The following RCSD1 variants were observed in gnomAD, a reference collection of about 807,000 sequenced individuals.
The protein encoded by RCSD1 is capZ-interacting protein.
Under a neutral mutation model 42.5 loss-of-function variants are expected in RCSD1, and 26 were observed. The observed-to-expected ratio is 0.61, with a 90% CI of 0.45 to 0.85. RCSD1 has a LOEUF of 0.85. RCSD1 is among the 40% of genes least tolerant of loss of function. The pLI, the probability that RCSD1 is intolerant of heterozygous loss-of-function variation, is 0.00. For missense variants in RCSD1, 571 were observed against 528.3 expected, an observed-to-expected ratio of 1.08 and a Z score of -0.79; for synonymous variants, 220 against 212.2, an observed-to-expected ratio of 1.04 and a Z score of -0.32.
At chr1:167,691,197 C>T (rs2101715590) in intron 4 of RCSD1, among the ~76,000 whole-genome samples, 1 of 152,174 alleles carries the variant, frequency 6.6e-6, no homozygotes, top group East Asian at 1.9e-4. Context: ...TAGCACTCTC[C>T]AACAAGTTGT....
At chr1:167,699,020 G>C (rs1375438410) in intron 6 of RCSD1, among the ~76,000 whole-genome samples, 1 of 151,944 alleles carries the variant, frequency 6.6e-6, no homozygotes, top group Non-Finnish European at 1.5e-5. Flanking sequence ...GGATGATCTC[G>C]ATCTCCTGAC....
rs1234676704 is a variant in RCSD1, at chr1:167,707,073, C to T, written c.*2377C>T. On this transcript the variant is annotated 3_prime_UTR_variant, in exon 7 of 7. Transcript: ENST00000367854. Reference sequence around the variant, plus strand: ...GCTTGAATTTCAAACTGTGTCCTTCCTTACTCCAGAGAGGGAGCAAGAAAA... The same window carrying T: ...GCTTGAATTTCAAACTGTGTCCTTCTTTACTCCAGAGAGGGAGCAAGAAAA... Among the ~76,000 whole-genome samples the T allele has an allele frequency of 6.6e-6, 1 of 152,140 alleles. No homozygotes were observed. Among genetic ancestry groups the T allele is most frequent in the African/African-American group, 2.4e-5 (1 of 41,424 alleles).
chr1:167,665,069 T>C lies in RCSD1; in HGVS notation c.7-18831T>C, dbSNP rs539929542. On this transcript the variant is annotated intron_variant, in intron 1 of 6. Transcript: ENST00000367854. ...AAAAAAAAAAAAAAGAAGAAGAAGA[T>C]ATAGAGCATTTCTATCACCCCAAAA... 73 of 150,046 alleles carry C rather than the reference T, an allele frequency of 4.9e-4. No individual in the cohort carries two copies. In the East Asian group the frequency reaches 6.0e-3, roughly 12 times the overall value. 9.3% of individuals were successfully genotyped at this position (150,046 alleles called of 1,614,324 possible).
chr1:167,701,319 T>TCTTTCTTTCTTTC (rs1553252220), intron 6 of RCSD1, among the ~76,000 whole-genome samples: 83 of 136,832 alleles, frequency 6.1e-4, no homozygotes, highest in South Asian at 1.7e-3. Flanking sequence ...TTTCTTTCTT[T>TCTTTCTTTCTTTC]TTTTTAGATG....
chr1:167,692,687 G>A (rs1171774162), intron 4 of RCSD1, among the ~76,000 whole-genome samples: 3 of 151,996 alleles, frequency 2.0e-5, no homozygotes, highest in Non-Finnish European at 2.9e-5. Context: ...GACATGGTTT[G>A]GGCTAGTATG....
chr1:167,653,679 C>T (rs1163475776), intron 1 of RCSD1, among the ~76,000 whole-genome samples: 1 of 152,202 alleles, frequency 6.6e-6, no homozygotes, highest in African/African-American at 2.4e-5. Context: ...GAGAGACAGA[C>T]AGTTCAATGT....
intron 6 of RCSD1, among the ~76,000 whole-genome samples, chr1:167,698,861 G>A (rs1659568052): frequency 6.6e-6 from 1 of 150,828 alleles, no homozygotes; most frequent in Non-Finnish European, 1.5e-5. Context: ...GTGCAGTGGC[G>A]GGATCTCGGC....
At position 167,674,034 on chromosome 1, in the gene RCSD1, C is replaced by G. The variant is rs138606770; in HGVS notation, c.7-9866C>G. 5.7e-3 allele frequency among the ~76,000 whole-genome samples: 873 copies of G among 152,340 alleles called. 3 individuals are homozygous for G. The highest frequency in any genetic ancestry group is 0.02 in the African/African-American group (825 of 41,568). Reference sequence around the variant, plus strand: ...TCTGATAGTTTTATTACAAGTCTGCCTTTCAACTAGAGTAGAAGCTCATTG... The same window carrying G: ...TCTGATAGTTTTATTACAAGTCTGCGTTTCAACTAGAGTAGAAGCTCATTG... On this transcript the variant is annotated intron_variant, in intron 1 of 6. Coordinates refer to ENST00000367854, the MANE Select transcript of RCSD1 (RefSeq NM_052862.4).
chr1:167,692,856 T>C (rs1659408156), intron 4 of RCSD1, among the ~76,000 whole-genome samples: 1 of 152,148 alleles, frequency 6.6e-6, no homozygotes, highest in Non-Finnish European at 1.5e-5. Flanking sequence ...ATAGGAGTTC[T>C]CCAGGACAGC....
chr1:167,640,982 A>AC (rs887772739), intron 1 of RCSD1, among the ~76,000 whole-genome samples: 4 of 151,988 alleles, frequency 2.6e-5, no homozygotes, highest in African/African-American at 9.7e-5. Context: ...TATTATAACC[A>AC]CCCCCCGAGC....
At chr1:167,699,143 G>T (rs780931113) in intron 6 of RCSD1, among the ~76,000 whole-genome samples, 1 of 151,866 alleles carries the variant, frequency 6.6e-6, no homozygotes, top group Non-Finnish European at 1.5e-5. Flanking sequence ...TTCCCCCTGC[G>T]TATATAATCC....
At chr1:167,682,587 A>G (rs1659108067) in intron 1 of RCSD1, among the ~76,000 whole-genome samples, 2 of 152,262 alleles carry the variant, frequency 1.3e-5, no homozygotes, top group East Asian at 1.9e-4. Context: ...TAGAATGACT[A>G]AAGTTATTTA....
chr1:167,665,322 T>C (rs1271519806), intron 1 of RCSD1, among the ~76,000 whole-genome samples: 2 of 151,528 alleles, frequency 1.3e-5, no homozygotes, highest in African/African-American at 4.8e-5. Flanking sequence ...CTGAATAGTA[T>C]TCCATAATGT....
intron 1 of RCSD1, among the ~76,000 whole-genome samples, chr1:167,668,967 G>A (rs1005244757): frequency 9.9e-5 from 15 of 152,174 alleles, no homozygotes; most frequent in Non-Finnish European, 2.1e-4. Flanking sequence ...ACAGATTTGT[G>A]AATTCAGTAA....
chr1:167,631,571 G>T (rs12756881), intron 1 of RCSD1, among the ~76,000 whole-genome samples: 1,971 of 152,252 alleles, frequency 0.013, 25 homozygotes, highest in Admixed American at 0.045. Context: ...TGCAACCTCT[G>T]CCTCCCAGGC....
intron 1 of RCSD1, among the ~76,000 whole-genome samples, chr1:167,665,347 TTGTC>T (rs3979128): frequency 0.15 from 22,979 of 152,116 alleles, 2,350 homozygotes; most frequent in Non-Finnish European, 0.2. Context: ...ATAACACAAT[TTGTC>T]TGTCTACTTA....
chr1:167,662,382 G>T (rs548431307), intron 1 of RCSD1, among the ~76,000 whole-genome samples: 45 of 152,208 alleles, frequency 3.0e-4, no homozygotes, highest in African/African-American at 1.1e-3. Flanking sequence ...GTATATGCAG[G>T]CTGTCTTGAT....
intron 1 of RCSD1, among the ~76,000 whole-genome samples, chr1:167,673,247 C>T (rs1245341121): frequency 1.3e-5 from 2 of 152,220 alleles, no homozygotes; most frequent in Non-Finnish European, 2.9e-5. Context: ...ACAGCACTGC[C>T]TTAAAAGAGT....
chr1:167,648,077 A>T lies in RCSD1; in HGVS notation c.6+17648A>T, dbSNP rs1374183142. The stretch of plus-strand genomic sequence containing the variant: ...AATGCATAATTCTTACATAATTTTA[A>T]TCAGTGTATATACAACTCTGTACTC... On this transcript the variant is annotated intron_variant, in intron 1 of 6. Coordinates refer to ENST00000367854, the MANE Select transcript of RCSD1 (RefSeq NM_052862.4). Among the ~76,000 whole-genome samples the T allele has an allele frequency of 2.0e-5, 3 of 152,302 alleles. No homozygotes were observed. The East Asian group carries it at 5.8e-4, about 29-fold the overall frequency.
Sources: gnomAD v4.1 joint callset for allele counts (sites outside exome capture counted in the v4.1 genomes callset) on GRCh38, gnomAD v4.1.1 for gene constraint, MANE v1.5 for transcripts, NCBI Gene and HGNC (gene_info 2026-07-23, HGNC 2026-07-21) for gene names.